The following IL1RAPL1 variants were observed in gnomAD, a reference collection of about 807,000 sequenced individuals.
The protein encoded by IL1RAPL1 is interleukin 1 receptor accessory protein like 1.
IL1RAPL1 carries 3 observed loss-of-function variants against 48.4 expected under a neutral mutation model. The observed-to-expected ratio is 0.06, with a 90% CI of 0.03 to 0.16. The LOEUF is 0.16. IL1RAPL1 is among the 10% of genes least tolerant of loss of function. IL1RAPL1 has a pLI of 1.00. For missense variants in IL1RAPL1, 349 were observed against 530.6 expected (o/e 0.66, Z 3.36); for synonymous variants, 185 against 187.7 (o/e 0.99, Z 0.12).
chrX:28,595,918 G>C lies in IL1RAPL1; in HGVS notation c.-25+7871G>C, dbSNP rs940232863. ...AGTAAATGCATTCAAGGGATCTCTA[G>C]GGGTTTTTGACTCTGCTGTTTTTTC... On this transcript the variant is annotated intron_variant, in intron 1 of 10. Transcript: ENST00000378993. Among the ~76,000 whole-genome samples, 6 of 111,357 alleles carry C rather than the reference G, an allele frequency of 5.4e-5. No homozygotes were observed. In the East Asian group the frequency reaches 1.7e-3, roughly 32 times the overall value.
chrX:28,977,887 C>G (rs1004779398), intron 2 of IL1RAPL1, among the ~76,000 whole-genome samples: 4 of 111,515 alleles, frequency 3.6e-5, no homozygotes, highest in Non-Finnish European at 7.5e-5. Flanking sequence ...AACCAGGACC[C>G]GGGGGGTGGA....
At chrX:28,707,559 G>T (rs1349023218) in intron 1 of IL1RAPL1, among the ~76,000 whole-genome samples, 1 of 111,696 alleles carries the variant, frequency 9.0e-6, no homozygotes, top group Non-Finnish European at 1.9e-5. Context: ...AAAATATATA[G>T]AATATATTAT....
At chrX:29,907,875 A>T (rs573593212) in intron 6 of IL1RAPL1, among the ~76,000 whole-genome samples, 62 of 111,508 alleles carry the variant, frequency 5.6e-4, no homozygotes, top group South Asian at 1.9e-3. Flanking sequence ...TATAAATAGG[A>T]TCTCTTCTAT....
At chrX:29,088,001 A>C (rs1299882027) in intron 2 of IL1RAPL1, among the ~76,000 whole-genome samples, 1 of 112,158 alleles carries the variant, frequency 8.9e-6, no homozygotes, top group African/African-American at 3.2e-5. Context: ...GCCACTTCAC[A>C]CTAACCTGGG....
chrX:29,121,603 C>G (rs1569240994), intron 2 of IL1RAPL1, among the ~76,000 whole-genome samples: 1 of 111,678 alleles, frequency 9.0e-6, no homozygotes. Flanking sequence ...GCAGCAGCAA[C>G]AATAACAAAA....
intron 2 of IL1RAPL1, among the ~76,000 whole-genome samples, chrX:28,964,248 G>A (rs1924863215): frequency 9.0e-6 from 1 of 111,389 alleles, no homozygotes; most frequent in Non-Finnish European, 1.9e-5. Flanking sequence ...TTTGAGACTT[G>A]CCTATCCACT....
intron 3 of IL1RAPL1, among the ~76,000 whole-genome samples, chrX:29,302,532 A>G (rs181695074): frequency 1.8e-5 from 2 of 112,049 alleles, no homozygotes; most frequent in East Asian, 2.8e-4. Context: ...GTCATTATAT[A>G]TTCTTCTAAT....
chrX:29,058,776 C>CAT (rs1927280268), intron 2 of IL1RAPL1, among the ~76,000 whole-genome samples: 1 of 111,780 alleles, frequency 8.9e-6, no homozygotes, highest in African/African-American at 3.3e-5. Context: ...ACAGCAGTTC[C>CAT]ATATGTCTCC....
intron 1 of IL1RAPL1, among the ~76,000 whole-genome samples, chrX:28,666,098 C>T (rs889699065): frequency 9.0e-6 from 1 of 111,525 alleles, no homozygotes; most frequent in African/African-American, 3.3e-5. Context: ...ATAGGTGGAG[C>T]GTTCTTAATG....
intron 1 of IL1RAPL1, among the ~76,000 whole-genome samples, chrX:28,609,213 T>C (rs1256962785): frequency 8.9e-6 from 1 of 112,017 alleles, no homozygotes; most frequent in East Asian, 2.8e-4. Flanking sequence ...ATTGAGTGTC[T>C]AGCACAAAGT....
At chrX:28,716,761 C>T (rs946135341) in intron 1 of IL1RAPL1, among the ~76,000 whole-genome samples, 1 of 111,365 alleles carries the variant, frequency 9.0e-6, no homozygotes, top group African/African-American at 3.3e-5. Flanking sequence ...TTTTTGCAAA[C>T]TATGCTTCCA....
chrX:29,837,268 AAAAAATAT>A (rs1344031012), intron 6 of IL1RAPL1, among the ~76,000 whole-genome samples: 2 of 51,605 alleles, frequency 3.9e-5, no homozygotes, highest in African/African-American at 9.3e-5. Context: ...CAAAAAAAAA[AAAAAATAT>A]ATATATATAT....
intron 6 of IL1RAPL1, among the ~76,000 whole-genome samples, chrX:29,859,508 C>T (rs1931536446): frequency 3.6e-5 from 4 of 111,865 alleles, no homozygotes; most frequent in Non-Finnish European, 7.5e-5. Flanking sequence ...GTGATTTTTC[C>T]CTTTTCACCT....
At chrX:28,849,111 A>G (rs1397071014) in intron 2 of IL1RAPL1, among the ~76,000 whole-genome samples, 3 of 102,250 alleles carry the variant, frequency 2.9e-5, no homozygotes, top group Non-Finnish European at 3.9e-5. Context: ...GGAGTTTACT[A>G]TCCTAGGGAG....
chrX:29,087,434 C>T (rs113248623), intron 2 of IL1RAPL1, among the ~76,000 whole-genome samples: 12,371 of 110,641 alleles, frequency 0.11, 666 homozygotes, highest in East Asian at 0.26. Context: ...CCGTGCCTGG[C>T]CAGCCAGAGG....
chrX:28,792,097 TATC>T (rs946931132), intron 2 of IL1RAPL1, among the ~76,000 whole-genome samples: 5 of 112,127 alleles, frequency 4.5e-5, no homozygotes, highest in African/African-American at 1.6e-4. Flanking sequence ...TCTTTTGTCT[TATC>T]ATTTAATTCT....
At chrX:29,942,139 G>C (rs1323140007) in intron 9 of IL1RAPL1, among the ~76,000 whole-genome samples, 1 of 111,851 alleles carries the variant, frequency 8.9e-6, no homozygotes, top group Non-Finnish European at 1.9e-5. Flanking sequence ...TTTTAGGTAA[G>C]GAGTGTCTCT....
chrX:29,317,202 G>A (rs781269972), intron 3 of IL1RAPL1, among the ~76,000 whole-genome samples: 3 of 111,703 alleles, frequency 2.7e-5, no homozygotes, highest in African/African-American at 3.3e-5. Context: ...TCCAAATTTG[G>A]GAGGATAACA....
intron 5 of IL1RAPL1, among the ~76,000 whole-genome samples, chrX:29,412,332 G>C (rs1411207048): frequency 9.0e-6 from 1 of 111,214 alleles, no homozygotes; most frequent in Non-Finnish European, 1.9e-5. Context: ...CAACAACTGG[G>C]CTGTCCAATA....
Sources: gnomAD v4.1 joint callset for allele counts (sites outside exome capture counted in the v4.1 genomes callset) on GRCh38, gnomAD v4.1.1 for gene constraint, MANE v1.5 for transcripts, NCBI Gene and HGNC (gene_info 2026-07-23, HGNC 2026-07-21) for gene names.